The following PLD5 variants were observed in gnomAD, a reference collection of about 807,000 sequenced individuals.
The protein encoded by PLD5 is phospholipase D family member 5, also known as inactive phospholipase D5.
In PLD5, 36 loss-of-function variants were observed where a neutral mutation model predicts 61.1. The ratio of observed to expected loss-of-function variants is 0.59; its 90% CI spans 0.45 to 0.78. The LOEUF (loss-of-function observed/expected upper bound fraction) is 0.78, where lower values mean the gene tolerates loss of function less well. PLD5 is among the 30% of genes least tolerant of loss of function. The pLI is 0.00. For missense variants in PLD5, 515 were observed against 644.4 expected, an observed-to-expected ratio of 0.80 and a Z score of 2.17; for synonymous variants, 243 against 242.8, an observed-to-expected ratio of 1.00 and a Z score of -0.01.
chr1:242,239,166 T>C (rs1574585966), intron 4 of PLD5, among the ~76,000 whole-genome samples: 1 of 152,202 alleles, frequency 6.6e-6, no homozygotes, highest in Non-Finnish European at 1.5e-5. Context: ...ACTTGTATTT[T>C]ATTCATTTGA....
At chr1:242,175,197 C>A (rs138001727) in intron 5 of PLD5, among the ~76,000 whole-genome samples, 1,562 of 152,190 alleles carry the variant, frequency 0.01, 11 homozygotes, top group Middle Eastern at 0.024. Flanking sequence ...ATGTGAAAAT[C>A]CTCAATAAAA....
At chr1:242,111,852 C>T (rs1276703111) in intron 7 of PLD5, among the ~76,000 whole-genome samples, 1 of 152,098 alleles carries the variant, frequency 6.6e-6, no homozygotes, top group Non-Finnish European at 1.5e-5. Context: ...CATTTAATAG[C>T]TGAAATGGTA....
intron 1 of PLD5, among the ~76,000 whole-genome samples, chr1:242,430,388 C>T (rs941580377): frequency 2.6e-5 from 4 of 152,272 alleles, no homozygotes; most frequent in African/African-American, 9.6e-5. Flanking sequence ...GTCTCTCTTC[C>T]TCCTCTTGTA....
intron 1 of PLD5, among the ~76,000 whole-genome samples, chr1:242,380,629 A>T (rs1662222225): frequency 6.6e-6 from 1 of 152,208 alleles, no homozygotes; most frequent in African/African-American, 2.4e-5. Context: ...AAAATGGAAG[A>T]AAATTTTTGT....
chr1:242,428,338 A>G (rs1665542862), intron 1 of PLD5, among the ~76,000 whole-genome samples: 1 of 152,222 alleles, frequency 6.6e-6, no homozygotes, highest in South Asian at 2.1e-4. Context: ...GTTTTGTTCT[A>G]TATGAGGAAA....
intron 2 of PLD5, among the ~76,000 whole-genome samples, chr1:242,317,040 C>A (rs1442428627): frequency 6.6e-6 from 1 of 150,452 alleles, no homozygotes; most frequent in Non-Finnish European, 1.5e-5. Flanking sequence ...CAGAGTCTTG[C>A]TCTTTCACCC....
intron 1 of PLD5, among the ~76,000 whole-genome samples, chr1:242,459,921 C>G (rs1667065068): frequency 6.6e-6 from 1 of 152,176 alleles, no homozygotes; most frequent in African/African-American, 2.4e-5. Flanking sequence ...TCTTCTAGGT[C>G]TCTTTAGGGT....
intron 1 of PLD5, among the ~76,000 whole-genome samples, chr1:242,448,572 A>T (rs1666646183): frequency 6.6e-6 from 1 of 152,128 alleles, no homozygotes; most frequent in Admixed American, 6.6e-5. Flanking sequence ...TCTTCCCCCC[A>T]TCTCCCGTGT....
intron 2 of PLD5, among the ~76,000 whole-genome samples, chr1:242,319,937 G>T (rs1347684901): frequency 7.9e-5 from 12 of 152,054 alleles, no homozygotes; most frequent in African/African-American, 2.9e-4. Flanking sequence ...CCTTTAAAAA[G>T]ATTTTTCTTC....
intron 5 of PLD5, among the ~76,000 whole-genome samples, chr1:242,204,827 TTCTA>T (rs1669221190): frequency 6.6e-6 from 1 of 152,198 alleles, no homozygotes; most frequent in East Asian, 1.9e-4. Context: ...TCAATTTCGG[TTCTA>T]TCTGACTGCA....
rs146834852 is a variant in PLD5, at chr1:242,492,824, G to T, written c.189+31264C>A. On this transcript the variant is annotated intron_variant, in intron 1 of 9. Coordinates refer to ENST00000536534, the MANE Select transcript of PLD5 (RefSeq NM_001372062.1). ...TGTTGTCTCCGTGTATTCTCATGCAGCTGAGAGAGAAAATCACCCCTCTTA... is the reference window on the plus strand; with the variant it reads ...TGTTGTCTCCGTGTATTCTCATGCATCTGAGAGAGAAAATCACCCCTCTTA... Among the ~76,000 whole-genome samples, 506 of 152,262 alleles carry T rather than the reference G, an allele frequency of 3.3e-3. 3 individuals are homozygous for T. The highest frequency in any genetic ancestry group is 9.6e-3 in the African/African-American group (398 of 41,544).
At chr1:242,481,399 A>G (rs2102962911) in intron 1 of PLD5, among the ~76,000 whole-genome samples, 1 of 152,354 alleles carries the variant, frequency 6.6e-6, no homozygotes, top group Middle Eastern at 3.4e-3. Context: ...CAAACGGCAC[A>G]CCAGGAGATT....
rs186075662 is a variant in PLD5, at chr1:242,426,379, T to C, written c.190-78137A>G. ...GAACATAGCAATAAAAAGTATACAG[T>C]AAATACATAAAGCAGCAACATCACC... On this transcript the variant is annotated intron_variant, in intron 1 of 9. Coordinates refer to ENST00000536534, the MANE Select transcript of PLD5 (RefSeq NM_001372062.1). Among the ~76,000 whole-genome samples the C allele has an allele frequency of 3.3e-3, 484 of 148,166 alleles. 2 individuals are homozygous for C. The highest frequency in any genetic ancestry group is 0.012 in the African/African-American group (463 of 40,062).
the PLD5 span, among the ~76,000 whole-genome samples, chr1:242,530,254 C>A: frequency 6.6e-6 from 1 of 152,184 alleles, no homozygotes; most frequent in Non-Finnish European, 1.5e-5. Flanking sequence ...AGTTGACAAT[C>A]AACCAGCTGT....
chr1:242,149,321 C>A (rs781201849), intron 5 of PLD5, among the ~76,000 whole-genome samples: 1 of 151,748 alleles, frequency 6.6e-6, no homozygotes, highest in Non-Finnish European at 1.5e-5. Flanking sequence ...ACTGAACTAG[C>A]CTTGCATTCC....
intron 3 of PLD5, among the ~76,000 whole-genome samples, chr1:242,287,708 C>A (rs1244975164): frequency 1.3e-5 from 2 of 152,030 alleles, no homozygotes; most frequent in Non-Finnish European, 2.9e-5. Flanking sequence ...CATGGTTGTA[C>A]CAATATAAAG....
intron 5 of PLD5, among the ~76,000 whole-genome samples, chr1:242,185,740 T>C (rs778377492): frequency 3.9e-5 from 6 of 152,172 alleles, no homozygotes; most frequent in Non-Finnish European, 5.9e-5. Flanking sequence ...ATCATTGAAA[T>C]AGAATGAAAA....
At chr1:242,512,415 C>CA (rs33990244) in intron 1 of PLD5, among the ~76,000 whole-genome samples, 9,238 of 120,232 alleles carry the variant, frequency 0.077, 693 homozygotes, top group African/African-American at 0.18. Flanking sequence ...GACTCCATCT[C>CA]AAAAAAAAAA....
intron 2 of PLD5, among the ~76,000 whole-genome samples, chr1:242,304,317 G>A (rs966004497): frequency 4.6e-5 from 7 of 152,206 alleles, no homozygotes; most frequent in African/African-American, 1.7e-4. Context: ...TGGCCACACA[G>A]CACAGAAGAC....
Sources: allele counts gnomAD v4.1 joint callset (sites outside exome capture counted in the v4.1 genomes callset), GRCh38; gene constraint gnomAD v4.1.1; transcripts MANE v1.5; gene names NCBI Gene and HGNC (gene_info 2026-07-23, HGNC 2026-07-21).